The following R3HDM1 variants were observed in gnomAD, a reference collection of about 807,000 sequenced individuals.
R3HDM1 encodes R3H domain containing 1.
Under a neutral mutation model 141.1 loss-of-function variants are expected in R3HDM1, and 46 were observed. That is an observed-to-expected ratio of 0.33 (90% CI 0.26 to 0.42). The LOEUF (loss-of-function observed/expected upper bound fraction) is 0.42, where lower values mean the gene tolerates loss of function less well. R3HDM1 is among the 10% of genes least tolerant of loss of function. The probability of loss-of-function intolerance (pLI) is 1.00; values close to 1 mark genes in which losing one functional copy is unlikely to be tolerated. For missense variants in R3HDM1, 1,184 were observed against 1,368.3 expected, an observed-to-expected ratio of 0.87 and a Z score of 2.12; for synonymous variants, 435 against 472.9, an observed-to-expected ratio of 0.92 and a Z score of 1.04.
chr2:135,533,239 T>G (rs923235791), intron 1 of R3HDM1, among the ~76,000 whole-genome samples: 5 of 152,064 alleles, frequency 3.3e-5, no homozygotes, highest in African/African-American at 1.2e-4. Flanking sequence ...GCCCAGGAGT[T>G]CAAGGCCAGC....
rs1401070828 is a variant in R3HDM1 at position 135,554,950 on chromosome 2, G to A, written c.-250+23317G>A. Among the ~76,000 whole-genome samples, 3 of 152,240 alleles carry A rather than the reference G, an allele frequency of 2.0e-5. No individual in the cohort carries two copies. The East Asian group carries it at 5.8e-4, about 29-fold the overall frequency. ...ATGTCCATTCTGTCCTAGCAAATAG[G>A]CAAACTTCTTTTGTTTTGATGACAC... On this transcript the variant is annotated intron_variant, in intron 1 of 26. Transcript: ENST00000683871.
chr2:135,635,846 C>G (rs776538638), intron 9 of R3HDM1, 44 bp from the exon 10 acceptor site: 2 of 1,535,474 alleles, frequency 1.3e-6, no homozygotes, highest in Non-Finnish European at 1.7e-6. Context: ...TAATATTGTT[C>G]ATTATCTTTT....
rs2076093506 is a variant in R3HDM1 at position 135,715,701 on chromosome 2, G to A, written c.2881+7G>A. 1.9e-6 allele frequency: 3 copies of A among 1,609,414 alleles called. No homozygotes were observed. Among genetic ancestry groups the A allele is most frequent in the South Asian group, 2.2e-5 (2 of 90,114 alleles). ...CCTTTTGTCCCCGGGCAAGGTAAGT[G>A]CACATGAAACTAGTCACAACTTCAG... On this transcript the variant is annotated splice_region_variant and intron_variant, in intron 24 of 26. Transcript: ENST00000683871.
intron 1 of R3HDM1, among the ~76,000 whole-genome samples, chr2:135,592,123 T>C (rs773437536): frequency 2.0e-4 from 30 of 152,174 alleles, no homozygotes; most frequent in Non-Finnish European, 4.0e-4. Context: ...GCCCCAACTT[T>C]CTAATTAACA....
chr2:135,605,552 G>A (rs1184294818), intron 3 of R3HDM1: 1 of 152,274 alleles, frequency 6.6e-6, no homozygotes, highest in African/African-American at 2.4e-5. Context: ...AAATTGAGTT[G>A]ATTAACAAAT....
rs1294403861 is a variant in R3HDM1 at position 135,722,682 on chromosome 2, AT to A, written c.3049+132del. 7.1e-6 allele frequency: 6 copies of A among 845,980 alleles called. No individual in the cohort carries two copies. In the African/African-American group the frequency reaches 8.6e-5, roughly 12 times the overall value. The allele number at this position is 845,980 out of a possible 1,614,324, so 52.4% of individuals were successfully genotyped here. On this transcript the variant is annotated intron_variant, in intron 26 of 26. Coordinates refer to ENST00000683871, the MANE Select transcript of R3HDM1 (RefSeq NM_001378107.1). ...AAAGTCATAATTTTTGCCATCTCTG[AT>A]TTAGGGTTCTTGGATATGTTCCTAT...
At chr2:135,722,615 C>A in intron 26 of R3HDM1, 62 bp downstream of exon 26, 1 of 1,470,964 alleles carries the variant, frequency 6.8e-7, no homozygotes, top group Non-Finnish European at 9.3e-7. Context: ...AAAAATACAC[C>A]ACAGCACAGA....
intron 1 of R3HDM1, among the ~76,000 whole-genome samples, chr2:135,598,930 T>A (rs2059404708): frequency 6.6e-6 from 1 of 152,206 alleles, no homozygotes; most frequent in Admixed American, 6.5e-5. Context: ...GCCTTTTGTT[T>A]ATGTTCTATT....
chr2:135,664,484 A>C (rs1359839908), intron 19 of R3HDM1, among the ~76,000 whole-genome samples: 1 of 152,202 alleles, frequency 6.6e-6, no homozygotes, highest in African/African-American at 2.4e-5. Context: ...GAACTTAAAG[A>C]AATTTTGCCC....
Position 135,531,604 on chromosome 2 carries a change from C to A in R3HDM1, c.-279C>A. The A allele has an allele frequency of 1.0e-6, 1 of 987,130 alleles. No individual in the cohort carries two copies. Among genetic ancestry groups the A allele is most frequent in the South Asian group, 4.7e-5 (1 of 21,426 alleles). 61.1% of individuals were successfully genotyped at this position (987,130 alleles called of 1,614,324 possible). Reference sequence around the variant, plus strand: ...CGCCGTCGCCCCGCCGCGCCGCGCTCCAACCGCCTCCTCCTCCTCAGTAAC... The same window carrying A: ...CGCCGTCGCCCCGCCGCGCCGCGCTACAACCGCCTCCTCCTCCTCAGTAAC... On this transcript the variant is annotated 5_prime_UTR_variant, in exon 1 of 27. Transcript: ENST00000683871.
chr2:135,694,691 T>A (rs1481428761), intron 21 of R3HDM1, among the ~76,000 whole-genome samples: 2 of 151,918 alleles, frequency 1.3e-5, no homozygotes, highest in African/African-American at 4.8e-5. Context: ...AGTCTCTGAG[T>A]TAGGAGATGG....
At chr2:135,577,445 T>G in intron 1 of R3HDM1, among the ~76,000 whole-genome samples, 1 of 135,212 alleles carries the variant, frequency 7.4e-6, no homozygotes, top group South Asian at 2.3e-4. Flanking sequence ...AAAAAAGCCT[T>G]GAGCACCAAA....
chr2:135,698,165 T>C (rs2073561705), intron 21 of R3HDM1, among the ~76,000 whole-genome samples: 1 of 142,386 alleles, frequency 7.0e-6, no homozygotes, highest in Admixed American at 7.0e-5. Context: ...TTCTTCTCCC[T>C]TTTTTTTTTT....
intron 1 of R3HDM1, among the ~76,000 whole-genome samples, chr2:135,534,810 G>C (rs1695694547): frequency 6.6e-6 from 1 of 152,202 alleles, no homozygotes; most frequent in Admixed American, 6.5e-5. Context: ...GCCATGCCTT[G>C]CAAGTAATAG....
intron 1 of R3HDM1, among the ~76,000 whole-genome samples, chr2:135,540,574 TTTTA>T (rs772044098): frequency 6.6e-6 from 1 of 151,862 alleles, no homozygotes; most frequent in African/African-American, 2.4e-5. Flanking sequence ...ATCCGTCTAT[TTTTA>T]TTTATTTATT....
At chr2:135,637,834 CTT>C (rs1240949671) in intron 11 of R3HDM1, among the ~76,000 whole-genome samples, 1 of 152,030 alleles carries the variant, frequency 6.6e-6, no homozygotes, top group Admixed American at 6.6e-5. Context: ...GGTCAGCAGA[CTT>C]TTTCTGTAAA....
At chr2:135,699,032 TAGATA>T (rs2073778332) in intron 21 of R3HDM1, among the ~76,000 whole-genome samples, 11 of 95,418 alleles carry the variant, frequency 1.2e-4, no homozygotes, top group South Asian at 7.1e-4. Flanking sequence ...GATAGATAGA[TAGATA>T]GATAGATAAG....
At position 135,531,516 on chromosome 2, in the gene R3HDM1, T is replaced by G; in HGVS notation, c.-367T>G. ...CAGCCGCGGCTGCCGCTGGAGCCGG[T>G]GTCCGGGCTGGTGATGGGGTTAATT... On this transcript the variant is annotated 5_prime_UTR_variant, in exon 1 of 27. Coordinates refer to ENST00000683871, the MANE Select transcript of R3HDM1 (RefSeq NM_001378107.1). 2.0e-6 allele frequency: 2 copies of G among 985,492 alleles called. No homozygotes were observed. Among genetic ancestry groups the G allele is most frequent in the Non-Finnish European group, 2.4e-6 (2 of 829,914 alleles). 61.0% of individuals were successfully genotyped at this position (985,492 alleles called of 1,614,324 possible). A position where few individuals can be genotyped will look rare whatever the true frequency, so the allele number is the denominator to read the frequency against.
At chr2:135,676,036 A>G (rs2069125690) in intron 20 of R3HDM1, among the ~76,000 whole-genome samples, 1 of 152,172 alleles carries the variant, frequency 6.6e-6, no homozygotes, top group African/African-American at 2.4e-5. Flanking sequence ...AAATTGTTGT[A>G]GATATTAGGC....
Sources: gnomAD v4.1 joint callset for allele counts (sites outside exome capture counted in the v4.1 genomes callset) on GRCh38, gnomAD v4.1.1 for gene constraint, MANE v1.5 for transcripts, NCBI Gene and HGNC (gene_info 2026-07-23, HGNC 2026-07-21) for gene names.